The following KITLG variants were observed in gnomAD, a reference collection of about 807,000 sequenced individuals.
KITLG encodes the protein KIT ligand.
KITLG carries 13 observed loss-of-function variants against 34.1 expected under a neutral mutation model. The observed-to-expected ratio is 0.38, with a 90% CI of 0.25 to 0.61. KITLG has a LOEUF of 0.61. KITLG is among the 20% of genes least tolerant of loss of function. The pLI is 0.60. For missense variants in KITLG, 292 were observed against 318.9 expected (o/e 0.92, Z 0.64); for synonymous variants, 110 against 104.0 (o/e 1.06, Z -0.35).
intron 2 of KITLG, among the ~76,000 whole-genome samples, chr12:88,535,102 A>G (rs1870259920): frequency 6.6e-6 from 1 of 152,168 alleles, no homozygotes; most frequent in South Asian, 2.1e-4. Context: ...TAGTATTTAG[A>G]AAGTGTGGGA....
chr12:88,506,481 A>G, intron 7 of KITLG, 103 bp from the exon 8 acceptor site: 1 of 834,710 alleles, frequency 1.2e-6, no homozygotes, highest in Non-Finnish European at 2.1e-6. Context: ...AATAACTCCA[A>G]TAACAGTTTT....
intron 9 of KITLG, among the ~76,000 whole-genome samples, chr12:88,503,406 C>T (rs1055517481): frequency 5.3e-5 from 8 of 152,212 alleles, no homozygotes; most frequent in African/African-American, 1.9e-4. Flanking sequence ...CCACCACAGA[C>T]TATCTAGGTA....
chr12:88,530,104 T>G (rs1330096027), intron 3 of KITLG, among the ~76,000 whole-genome samples: 1 of 152,202 alleles, frequency 6.6e-6, no homozygotes, highest in Non-Finnish European at 1.5e-5. Context: ...TTAGCATTTG[T>G]TTTTCAAAGA....
intron 3 of KITLG, among the ~76,000 whole-genome samples, chr12:88,525,910 T>C (rs1018951620): frequency 1.3e-5 from 2 of 152,088 alleles, no homozygotes; most frequent in African/African-American, 4.8e-5. Flanking sequence ...GAAAGAGAAA[T>C]CTTAAACTGA....
chr12:88,520,908 A>G (rs2120848485), intron 3 of KITLG, among the ~76,000 whole-genome samples: 2 of 152,142 alleles, frequency 1.3e-5, no homozygotes, highest in South Asian at 2.1e-4. Flanking sequence ...AAAATTTCCA[A>G]CCCCAATCCT....
chr12:88,511,199 A>G (rs1226425465), intron 6 of KITLG, among the ~76,000 whole-genome samples: 3 of 152,236 alleles, frequency 2.0e-5, no homozygotes, highest in Non-Finnish European at 4.4e-5. Context: ...GTCTTTTAAA[A>G]TTAGTAGGAA....
intron 1 of KITLG, among the ~76,000 whole-genome samples, chr12:88,561,140 T>TA (rs1871286455): frequency 6.6e-6 from 1 of 152,162 alleles, no homozygotes; most frequent in South Asian, 2.1e-4. Context: ...AAAGTTATTT[T>TA]ATCATTCTGG....
At chr12:88,554,201 T>C (rs1492354) in intron 1 of KITLG, among the ~76,000 whole-genome samples, 138,848 of 152,208 alleles carry the variant, frequency 0.91, 63,391 homozygotes, top group East Asian at 0.98. Context: ...AGCCTAAGAA[T>C]ATCAGGGGGA....
intron 1 of KITLG, among the ~76,000 whole-genome samples, chr12:88,551,928 T>G (rs1190802228): frequency 6.6e-6 from 1 of 152,150 alleles, no homozygotes; most frequent in Non-Finnish European, 1.5e-5. Flanking sequence ...TCCAGCTCTG[T>G]TCAGAGAGAG....
intron 9 of KITLG, among the ~76,000 whole-genome samples, chr12:88,499,537 TG>T (rs1868774533): frequency 6.6e-6 from 1 of 152,210 alleles, no homozygotes; most frequent in African/African-American, 2.4e-5. Context: ...TAAGATTCTT[TG>T]CAGATAACTC....
chr12:88,516,347 T>C lies in KITLG; in HGVS notation c.507A>G (p.Leu169=). ...TACATGTCTTACCTTTCTCAGGACT[T>C]AATGTTGAAGAAACCACACAATCAC... is the stretch of plus-strand genomic sequence containing the variant. ...ETSDCVVSST[L]SPEKDSRVSV... Residue 169 remains leucine (L), a synonymous_variant, in exon 5 of 10, where the codon TTA becomes TTG. Transcript: ENST00000644744. The C allele has an allele frequency of 6.2e-7, 1 of 1,610,774 alleles. No homozygotes were observed. The highest frequency in any genetic ancestry group is 8.5e-7 in the Non-Finnish European group (1 of 1,177,602).
intron 2 of KITLG, among the ~76,000 whole-genome samples, chr12:88,538,996 C>G (rs1354283708): frequency 1.3e-5 from 2 of 152,156 alleles, no homozygotes; most frequent in Non-Finnish European, 2.9e-5. Flanking sequence ...CATGGGAGAA[C>G]AGCATTTGGA....
chr12:88,529,831 C>G lies in KITLG; in HGVS notation c.192+2610G>C, dbSNP rs550267697. ...CAAAGGGTGAGACCCCTGGTTCTGT[C>G]CAATGCTCTAAACGTGGCCTTGTTT... On this transcript the variant is annotated intron_variant, in intron 3 of 9. Transcript: ENST00000644744. 1.3e-4 allele frequency among the ~76,000 whole-genome samples: 20 copies of G among 152,324 alleles called. No homozygotes were observed. The South Asian group carries it at 4.1e-3, about 32-fold the overall frequency.
intron 1 of KITLG, among the ~76,000 whole-genome samples, chr12:88,552,970 GT>G (rs1243234901): frequency 6.6e-6 from 1 of 152,202 alleles, no homozygotes; most frequent in Non-Finnish European, 1.5e-5. Flanking sequence ...AACTATGGGT[GT>G]TATGCAATTA....
chr12:88,523,207 C>T (rs540616328), intron 3 of KITLG, among the ~76,000 whole-genome samples: 96 of 152,282 alleles, frequency 6.3e-4, no homozygotes, highest in Non-Finnish European at 1.2e-3. Flanking sequence ...AAATCTAGAG[C>T]CATGTCATCA....
chr12:88,523,001 T>C (rs1869730576), intron 3 of KITLG, among the ~76,000 whole-genome samples: 1 of 152,166 alleles, frequency 6.6e-6, no homozygotes, highest in East Asian at 1.9e-4. Flanking sequence ...TCTAAGAATA[T>C]TCATAAGGAG....
At chr12:88,522,612 G>C (rs1171924162) in intron 3 of KITLG, among the ~76,000 whole-genome samples, 1 of 151,856 alleles carries the variant, frequency 6.6e-6, no homozygotes, top group Non-Finnish European at 1.5e-5. Context: ...TTTTTTAGTA[G>C]AGATGGGATT....
intron 4 of KITLG, among the ~76,000 whole-genome samples, chr12:88,516,840 GAAAAAAAAA>G (rs201320418): frequency 1.2e-5 from 1 of 86,248 alleles, no homozygotes; most frequent in Non-Finnish European, 2.4e-5. Context: ...CCAGTCTTTA[GAAAAAAAAA>G]AAAAAAACCA....
At chr12:88,566,931 T>G (rs2220695) in intron 1 of KITLG, among the ~76,000 whole-genome samples, 114,027 of 152,148 alleles carry the variant, frequency 0.75, 47,755 homozygotes, top group Middle Eastern at 0.93. Flanking sequence ...ATACATGAAT[T>G]TAGGACATGG....
Sources: gnomAD v4.1 joint callset for allele counts (sites outside exome capture counted in the v4.1 genomes callset) on GRCh38, gnomAD v4.1.1 for gene constraint, MANE v1.5 for transcripts, NCBI Gene and HGNC (gene_info 2026-07-23, HGNC 2026-07-21) for gene names.